TRDN: variants seen among roughly 807,000 people sequenced by gnomAD.
The protein encoded by TRDN is triadin.
A neutral mutation model predicts 149.7 loss-of-function variants in TRDN; 161 were observed. That is an observed-to-expected ratio of 1.08 (90% CI 0.95 to 1.23). The LOEUF (loss-of-function observed/expected upper bound fraction) is 1.23. Ranked by LOEUF, TRDN falls within the 50% of genes most tolerant of loss-of-function variation. The pLI is 0.00. For synonymous variants in TRDN, 294 were observed against 250.5 expected, an observed-to-expected ratio of 1.17 and a Z score of -1.64; for missense variants, 896 against 823.5, an observed-to-expected ratio of 1.09 and a Z score of -1.08.
chr6:123,571,186 G>T, intron 1 of TRDN, 54 bp from the exon 2 acceptor site: 1 of 1,576,498 alleles, frequency 6.3e-7, no homozygotes. Flanking sequence ...GGTAAATATT[G>T]ATGATGAGAA....
At chr6:123,385,402 C>T (rs373309879) in intron 14 of TRDN, among the ~76,000 whole-genome samples, 10 of 141,518 alleles carry the variant, frequency 7.1e-5, no homozygotes, top group African/African-American at 8.0e-5. Flanking sequence ...CCAGCCTGGG[C>T]GACAGAGCGA....
intron 12 of TRDN, among the ~76,000 whole-genome samples, chr6:123,417,118 A>G (rs1197274685): frequency 1.3e-5 from 2 of 152,200 alleles, no homozygotes; most frequent in African/African-American, 4.8e-5. Flanking sequence ...AAGTCTATAC[A>G]AATCATTTCT....
intron 5 of TRDN, among the ~76,000 whole-genome samples, chr6:123,522,268 A>G (rs1779718851): frequency 6.6e-6 from 1 of 152,092 alleles, no homozygotes; most frequent in African/African-American, 2.4e-5. Flanking sequence ...AAGTTCACAT[A>G]TTTAGTTATA....
At chr6:123,584,959 T>C (rs1390161861) in intron 1 of TRDN, among the ~76,000 whole-genome samples, 5 of 152,112 alleles carry the variant, frequency 3.3e-5, no homozygotes, top group Admixed American at 1.3e-4. Flanking sequence ...GGAGAGTTTA[T>C]AGGCTTTAAA....
intron 35 of TRDN, among the ~76,000 whole-genome samples, chr6:123,256,973 C>A (rs1453434411): frequency 1.8e-5 from 2 of 114,270 alleles, no homozygotes; most frequent in Non-Finnish European, 3.4e-5. Flanking sequence ...AAATCTTTTT[C>A]TTTTCTTTTC....
chr6:123,577,215 T>G (rs911235282), intron 1 of TRDN, among the ~76,000 whole-genome samples: 1 of 151,884 alleles, frequency 6.6e-6, no homozygotes, highest in Non-Finnish European at 1.5e-5. Context: ...TTCACGGGGG[T>G]TTGTTGTACA....
chr6:123,315,206 C>T (rs1778979885), intron 24 of TRDN, among the ~76,000 whole-genome samples: 1 of 151,790 alleles, frequency 6.6e-6, no homozygotes, highest in African/African-American at 2.4e-5. Context: ...AAAATGCTAA[C>T]AATAATAAAG....
At chr6:123,372,270 C>T (rs994007157) in intron 19 of TRDN, among the ~76,000 whole-genome samples, 1 of 152,006 alleles carries the variant, frequency 6.6e-6, no homozygotes, top group Non-Finnish European at 1.5e-5. Context: ...CTTTTAAATT[C>T]TGCATACAGA....
chr6:123,513,969 C>A (rs1340671450), intron 6 of TRDN, among the ~76,000 whole-genome samples: 9 of 152,138 alleles, frequency 5.9e-5, no homozygotes, highest in Non-Finnish European at 1.3e-4. Context: ...ATCCTAGACA[C>A]AATCCACCCT....
chr6:123,623,913 A>G (rs920532285), intron 1 of TRDN, among the ~76,000 whole-genome samples: 1 of 152,094 alleles, frequency 6.6e-6, no homozygotes, highest in Admixed American at 6.5e-5. Context: ...AACATTGTCT[A>G]TTTTAAATTT....
intron 9 of TRDN, among the ~76,000 whole-genome samples, chr6:123,496,698 A>T (rs977883662): frequency 6.6e-6 from 1 of 152,108 alleles, no homozygotes; most frequent in African/African-American, 2.4e-5. Context: ...TTCCAAGATT[A>T]TCTATCTCCA....
At chr6:123,326,241 C>T (rs1779450614) in intron 23 of TRDN, among the ~76,000 whole-genome samples, 1 of 152,098 alleles carries the variant, frequency 6.6e-6, no homozygotes, top group Admixed American at 6.6e-5. Flanking sequence ...ATCTCCAACC[C>T]AAATATTTTT....
chr6:123,403,628 T>A (rs954095416), intron 12 of TRDN, among the ~76,000 whole-genome samples: 5 of 152,114 alleles, frequency 3.3e-5, no homozygotes, highest in Admixed American at 3.3e-4. Context: ...ATAAAGTACA[T>A]CTTAGTCTGG....
Position 123,614,194 on chromosome 6 carries a change from G to A in TRDN, c.22+22560C>T, listed in dbSNP as rs147857379. Among the ~76,000 whole-genome samples the A allele has an allele frequency of 6.0e-3, 908 of 150,404 alleles. 6 individuals carry two copies. The highest frequency in any genetic ancestry group is 0.01 in the Middle Eastern group (3 of 288). On this transcript the variant is annotated intron_variant, in intron 1 of 40. Coordinates refer to ENST00000334268, the MANE Select transcript of TRDN (RefSeq NM_006073.4). ...GATTCATATACATGTTAAGGTTTGG[G>A]AGGCATGGCTGTAGGTATGTATAAA...
chr6:123,379,100 ATG>A (rs1322387073), intron 16 of TRDN, among the ~76,000 whole-genome samples: 1 of 152,224 alleles, frequency 6.6e-6, no homozygotes, highest in Non-Finnish European at 1.5e-5. Flanking sequence ...TTAAAGAAGA[ATG>A]GAAAGATTCT....
intron 1 of TRDN, among the ~76,000 whole-genome samples, chr6:123,620,657 C>T (rs577123981): frequency 2.4e-4 from 37 of 152,216 alleles, no homozygotes; most frequent in African/African-American, 8.7e-4. Flanking sequence ...TCAGTAAAAC[C>T]TCCTTCCGTT....
At chr6:123,481,501 T>G (rs774000232) in intron 9 of TRDN, among the ~76,000 whole-genome samples, 3 of 150,968 alleles carry the variant, frequency 2.0e-5, no homozygotes, top group Non-Finnish European at 4.4e-5. Context: ...CTGGAGAAAA[T>G]ATATAGCCAT....
At chr6:123,392,598 T>C (rs1458346312) in intron 13 of TRDN, among the ~76,000 whole-genome samples, 3 of 152,072 alleles carry the variant, frequency 2.0e-5, no homozygotes, top group African/African-American at 7.2e-5. Context: ...ATATTTACTA[T>C]ATTCCCTATC....
intron 8 of TRDN, chr6:123,501,715 G>T (rs1025903499): frequency 6.4e-6 from 3 of 466,198 alleles, no homozygotes; most frequent in East Asian, 1.6e-4. Flanking sequence ...CAATTGTTTA[G>T]CTGATAAAAT....
Sources: gnomAD v4.1 joint callset for allele counts (sites outside exome capture counted in the v4.1 genomes callset) on GRCh38, gnomAD v4.1.1 for gene constraint, MANE v1.5 for transcripts, NCBI Gene and HGNC (gene_info 2026-07-23, HGNC 2026-07-21) for gene names.